The following TENM2 variants were observed in gnomAD, a reference collection of about 807,000 sequenced individuals.
The protein encoded by TENM2 is teneurin transmembrane protein 2.
In TENM2, 52 loss-of-function variants were observed where a neutral mutation model predicts 245.2. The observed-to-expected ratio is 0.21, with a 90% confidence interval of 0.17 to 0.27. TENM2 has a LOEUF of 0.27. Ranked by LOEUF, TENM2 falls within the 10% of genes least tolerant of loss-of-function variation. The pLI, the probability that TENM2 is intolerant of heterozygous loss-of-function variation, is 1.00. For synonymous variants in TENM2, 1,363 were observed against 1,438.9 expected, an observed-to-expected ratio of 0.95 and a Z score of 1.19; for missense variants, 3,046 against 3,666.8, an observed-to-expected ratio of 0.83 and a Z score of 4.37.
At chr5:167,486,429 C>T (rs994023805) in intron 2 of TENM2, among the ~76,000 whole-genome samples, 7 of 151,262 alleles carry the variant, frequency 4.6e-5, no homozygotes, top group Non-Finnish European at 7.4e-5. Flanking sequence ...CCCGGGTTCA[C>T]GCCATTCTCC....
intron 5 of TENM2, among the ~76,000 whole-genome samples, chr5:168,046,320 C>G (rs183516521): frequency 6.6e-6 from 1 of 152,288 alleles, no homozygotes; most frequent in South Asian, 2.1e-4. Context: ...CCCTTTCTCT[C>G]CTGCGGTGGT....
the TENM2 span, among the ~76,000 whole-genome samples, chr5:167,215,406 A>C: frequency 9.2e-5 from 14 of 152,164 alleles, no homozygotes; most frequent in African/African-American, 3.4e-4. Flanking sequence ...TCTTTGTTCC[A>C]CAACTCAAAT....
intron 2 of TENM2, among the ~76,000 whole-genome samples, chr5:167,559,404 T>A (rs1773452093): frequency 2.0e-5 from 3 of 152,178 alleles, no homozygotes; most frequent in Admixed American, 1.3e-4. Flanking sequence ...ATGGTCACTG[T>A]GGACTGGGTG....
intron 13 of TENM2, among the ~76,000 whole-genome samples, chr5:168,164,907 C>G (rs1401498559): frequency 6.6e-6 from 1 of 152,218 alleles, no homozygotes; most frequent in Non-Finnish European, 1.5e-5. Context: ...CAAAGTCAGC[C>G]ACTGCCTTCA....
At chr5:167,195,143 C>G in the TENM2 span, among the ~76,000 whole-genome samples, 1 of 151,872 alleles carries the variant, frequency 6.6e-6, no homozygotes, top group African/African-American at 2.4e-5. Context: ...GAAAAAGTGC[C>G]CCCACCAGAA....
chr5:167,285,022 C>A, exon 1 of TENM2: 1 of 1,552,214 alleles, frequency 6.4e-7, no homozygotes, highest in Non-Finnish European at 8.7e-7. Context: ...AACCGAGTCA[C>A]AGACCTCATC....
chr5:167,640,210 C>G lies in TENM2; in HGVS notation c.503-235776C>G, dbSNP rs73803917. Among the ~76,000 whole-genome samples, 769 of 152,282 alleles carry G rather than the reference C, an allele frequency of 5.0e-3. 10 individuals carry two copies. Among genetic ancestry groups the G allele is most frequent in the African/African-American group, 0.018 (738 of 41,558 alleles). On this transcript the variant is annotated intron_variant, in intron 2 of 28. Coordinates refer to ENST00000518659, the Ensembl canonical transcript of TENM2. Reference sequence around the variant, plus strand: ...TCTTTCTAGCTATATGGACAAGTCACGTAACCTCCCCGGACTTTGGTTATC... The same window carrying G: ...TCTTTCTAGCTATATGGACAAGTCAGGTAACCTCCCCGGACTTTGGTTATC...
intron 2 of TENM2, among the ~76,000 whole-genome samples, chr5:167,813,798 A>ATT (rs1458026629): frequency 1.3e-5 from 2 of 152,098 alleles, no homozygotes; most frequent in Non-Finnish European, 2.9e-5. Flanking sequence ...AGCTTTCTAA[A>ATT]TTGAGAAGGT....
intron 1 of TENM2, among the ~76,000 whole-genome samples, chr5:167,310,648 CAAAT>C (rs974312951): frequency 1.3e-5 from 2 of 151,830 alleles, no homozygotes; most frequent in Non-Finnish European, 2.9e-5. Flanking sequence ...AAAAAAACAA[CAAAT>C]AGAGTTTCAA....
At chr5:167,408,941 A>AAT (rs57319231) in intron 2 of TENM2, among the ~76,000 whole-genome samples, 1,502 of 146,580 alleles carry the variant, frequency 0.01, 8 homozygotes, top group African/African-American at 0.017. Flanking sequence ...TCCCAAATCT[A>AAT]ATATATATAT....
chr5:167,055,213 A>G, the TENM2 span, among the ~76,000 whole-genome samples: 1 of 152,176 alleles, frequency 6.6e-6, no homozygotes, highest in Non-Finnish European at 1.5e-5. Context: ...TGAAGGGCAC[A>G]ACATCTTTAT....
At chr5:167,619,342 T>G (rs1297151851) in intron 2 of TENM2, among the ~76,000 whole-genome samples, 1 of 152,182 alleles carries the variant, frequency 6.6e-6, no homozygotes, top group African/African-American at 2.4e-5. Flanking sequence ...AACTACCAAG[T>G]GCACCAGGTT....
chr5:167,423,477 T>C (rs577432791), intron 2 of TENM2, among the ~76,000 whole-genome samples: 1 of 152,366 alleles, frequency 6.6e-6, no homozygotes, highest in Admixed American at 6.5e-5. Flanking sequence ...TTTAGTGTTC[T>C]TAATGAACTG....
At chr5:167,981,999 AAAAG>A in intron 4 of TENM2, among the ~76,000 whole-genome samples, 1 of 151,946 alleles carries the variant, frequency 6.6e-6, no homozygotes, top group African/African-American at 2.4e-5. Context: ...AAAAAAAGAA[AAAAG>A]AAAAAAAGAA....
chr5:167,280,163 C>T (rs986832440), upstream of TENM2, among the ~76,000 whole-genome samples: 8 of 152,136 alleles, frequency 5.3e-5, no homozygotes, highest in African/African-American at 1.9e-4. Context: ...GGGAAGCCAA[C>T]CCAGGGATAG....
Position 167,853,312 on chromosome 5 carries a change from AG to A in TENM2, c.503-22673del, listed in dbSNP as rs1168433845. ...CTCAAAAAAAAAAAAAAAAAAAAAA[AG>A]AAAGTGATCGGGCTCTATTTGAGAA... On this transcript the variant is annotated intron_variant, in intron 2 of 28. Coordinates refer to ENST00000518659, the Ensembl canonical transcript of TENM2. Among the ~76,000 whole-genome samples, 18 of 143,974 alleles carry A rather than the reference AG, an allele frequency of 1.3e-4. 1 individual carries two copies. Among genetic ancestry groups the A allele is most frequent in the East Asian group, 5.9e-4 (3 of 5,084 alleles). The allele number at this position is 143,974 out of a possible 152,430, so 94.5% of individuals were successfully genotyped here.
chr5:167,195,951 C>G, the TENM2 span, among the ~76,000 whole-genome samples: 3 of 151,754 alleles, frequency 2.0e-5, no homozygotes, highest in East Asian at 1.9e-4. Context: ...TATAATGAAG[C>G]CCCATTTGAT....
At chr5:167,069,253 T>G in the TENM2 span, among the ~76,000 whole-genome samples, 22,852 of 152,078 alleles carry the variant, frequency 0.15, 2,501 homozygotes, top group East Asian at 0.37. Context: ...ATTGTCTGGA[T>G]TTTTATAGGT....
At chr5:167,354,721 T>G (rs1440134590) in intron 1 of TENM2, among the ~76,000 whole-genome samples, 1 of 152,228 alleles carries the variant, frequency 6.6e-6, no homozygotes, top group Non-Finnish European at 1.5e-5. Context: ...TATTTCTTTC[T>G]TTTGAGCTGT....
Sources: gnomAD v4.1 joint callset for allele counts (sites outside exome capture counted in the v4.1 genomes callset) on GRCh38, gnomAD v4.1.1 for gene constraint, MANE v1.5 for transcripts, NCBI Gene and HGNC (gene_info 2026-07-23, HGNC 2026-07-21) for gene names.